NDUFAF2: variants seen among roughly 807,000 people sequenced by gnomAD.
NDUFAF2 encodes the protein NADH dehydrogenase [ubiquinone] 1 alpha subcomplex assembly factor 2.
A neutral mutation model predicts 22.8 loss-of-function variants in NDUFAF2; 13 were observed. That is an observed-to-expected ratio of 0.57 (90% CI 0.37 to 0.91). The LOEUF is 0.91. NDUFAF2 is among the 40% of genes least tolerant of loss of function. The pLI is 0.01. For synonymous variants in NDUFAF2, 53 were observed against 64.2 expected (o/e 0.83, Z 0.84); for missense variants, 162 against 195.2 (o/e 0.83, Z 1.01).
chr5:61,076,754 G>C lies in NDUFAF2; in HGVS notation c.217+3540G>C, dbSNP rs1325044653. On this transcript the variant is annotated intron_variant, in intron 2 of 3. Coordinates refer to ENST00000296597, the MANE Select transcript of NDUFAF2 (RefSeq NM_174889.5). The stretch of plus-strand genomic sequence containing the variant: ...GGCTGCTGCATTGCAAATAGACTTA[G>C]GGGAACATAGGCAAAATATGGAGAC... Among the ~76,000 whole-genome samples, 9 of 152,254 alleles carry C rather than the reference G, an allele frequency of 5.9e-5. No individual in the cohort carries two copies. In the East Asian group the frequency reaches 1.5e-3, roughly 26 times the overall value.
rs566647970 is a variant in NDUFAF2, at chr5:60,976,343, A to G, written c.127+30961A>G. 1.1e-4 allele frequency among the ~76,000 whole-genome samples: 16 copies of G among 151,438 alleles called. No individual in the cohort carries two copies. The South Asian group carries it at 2.9e-3, about 28-fold the overall frequency. ...TTAGCTTCTCTTAATGCGTAAGCTT[A>G]AAGCTTTTTTAGGCTTTATGTATGC... On this transcript the variant is annotated intron_variant, in intron 1 of 3. Transcript: ENST00000296597.
intron 2 of NDUFAF2, among the ~76,000 whole-genome samples, chr5:61,079,937 T>G (rs907267201): frequency 2.6e-5 from 4 of 152,224 alleles, no homozygotes; most frequent in Non-Finnish European, 4.4e-5. Context: ...GAGGTCAGCC[T>G]TCGTTTATTT....
intron 1 of NDUFAF2, among the ~76,000 whole-genome samples, chr5:60,982,497 CA>C (rs1343439422): frequency 6.6e-6 from 1 of 151,304 alleles, no homozygotes; most frequent in Non-Finnish European, 1.5e-5. Flanking sequence ...GTGCTGCACC[CA>C]TTAACTCATC....
At chr5:61,004,742 C>A (rs1751342828) in intron 1 of NDUFAF2, among the ~76,000 whole-genome samples, 1 of 151,842 alleles carries the variant, frequency 6.6e-6, no homozygotes. Context: ...GGAGCTGTTT[C>A]AGATCCAAGA....
chr5:61,077,195 G>A (rs1752380815), intron 2 of NDUFAF2, among the ~76,000 whole-genome samples: 1 of 152,128 alleles, frequency 6.6e-6, no homozygotes, highest in Non-Finnish European at 1.5e-5. Flanking sequence ...GGTGTATAAA[G>A]CAATGAGACT....
Position 61,135,579 on chromosome 5 carries a change from G to C in NDUFAF2, c.259-17125G>C, listed in dbSNP as rs114372924. On this transcript the variant is annotated intron_variant, in intron 3 of 3. Transcript: ENST00000296597. ...AGAATCACCTAGTAACTTGTTAGAT[G>C]TGCACATCAGGGGCCCTATCCTCAG... is the stretch of plus-strand genomic sequence containing the variant. Among the ~76,000 whole-genome samples the C allele has an allele frequency of 7.1e-3, 1,076 of 152,240 alleles. 13 individuals are homozygous for C. Among genetic ancestry groups the C allele is most frequent in the African/African-American group, 0.025 (1,022 of 41,544 alleles).
intron 1 of NDUFAF2, among the ~76,000 whole-genome samples, chr5:60,955,021 T>G (rs1439446753): frequency 2.0e-5 from 3 of 152,204 alleles, no homozygotes; most frequent in South Asian, 2.1e-4. Flanking sequence ...ATTTGTCCTA[T>G]TCCATAGGTT....
chr5:60,988,572 A>G (rs1396593933), intron 1 of NDUFAF2, among the ~76,000 whole-genome samples: 1 of 152,240 alleles, frequency 6.6e-6, no homozygotes, highest in African/African-American at 2.4e-5. Flanking sequence ...GTACTGGTAC[A>G]AAAACAGGCA....
At chr5:60,988,490 A>G (rs185391098) in intron 1 of NDUFAF2, among the ~76,000 whole-genome samples, 243 of 152,328 alleles carry the variant, frequency 1.6e-3, no homozygotes, top group African/African-American at 5.3e-3. Flanking sequence ...AAGCTTAAAG[A>G]ACAAACCTGG....
intron 1 of NDUFAF2, among the ~76,000 whole-genome samples, chr5:61,047,878 C>G (rs1236990177): frequency 2.0e-5 from 3 of 152,030 alleles, no homozygotes; most frequent in Non-Finnish European, 4.4e-5. Context: ...TATATACTGT[C>G]ATTACAGTGA....
chr5:61,006,565 T>C (rs1751369278), intron 1 of NDUFAF2, among the ~76,000 whole-genome samples: 1 of 152,204 alleles, frequency 6.6e-6, no homozygotes, highest in South Asian at 2.1e-4. Flanking sequence ...TGATTCTTCC[T>C]ACCCATGAGC....
intron 2 of NDUFAF2, among the ~76,000 whole-genome samples, chr5:61,076,475 A>T (rs1160020592): frequency 6.6e-6 from 1 of 152,258 alleles, no homozygotes; most frequent in African/African-American, 2.4e-5. Context: ...GAAGAGCATT[A>T]CTGGAGAGCA....
chr5:61,043,298 G>C (rs1442353464), intron 1 of NDUFAF2, among the ~76,000 whole-genome samples: 13 of 152,166 alleles, frequency 8.5e-5, no homozygotes, highest in Non-Finnish European at 1.6e-4. Context: ...TTCGAGTGCA[G>C]TGAAAATACT....
chr5:61,152,988 G>T lies in NDUFAF2; in HGVS notation c.*33G>T, dbSNP rs746745498. 2.5e-6 allele frequency: 4 copies of T among 1,609,312 alleles called. No homozygotes were observed. The highest frequency in any genetic ancestry group is 2.5e-6 in the Non-Finnish European group (3 of 1,176,692). ...ATGGTCAAATCTTTTCATGTATATG[G>T]ATGTGACTATTTTAACAAATAAAAG... is the stretch of plus-strand genomic sequence containing the variant. On this transcript the variant is annotated 3_prime_UTR_variant, in exon 4 of 4. Transcript: ENST00000296597.
At chr5:61,108,264 A>C (rs1752793274) in intron 3 of NDUFAF2, among the ~76,000 whole-genome samples, 1 of 148,856 alleles carries the variant, frequency 6.7e-6, no homozygotes, top group Non-Finnish European at 1.5e-5. Flanking sequence ...TAGATCCCTG[A>C]GGAATCGCCA....
chr5:61,010,556 C>A (rs980954665), intron 1 of NDUFAF2, among the ~76,000 whole-genome samples: 1 of 152,064 alleles, frequency 6.6e-6, no homozygotes, highest in African/African-American at 2.4e-5. Flanking sequence ...TCCCTATTTT[C>A]TAGACTGGGT....
At chr5:61,099,870 C>T (rs571371331) in intron 3 of NDUFAF2, among the ~76,000 whole-genome samples, 6 of 152,158 alleles carry the variant, frequency 3.9e-5, no homozygotes, top group Non-Finnish European at 5.9e-5. Context: ...AAATGGGCTC[C>T]GGTACTCAAT....
intron 2 of NDUFAF2, among the ~76,000 whole-genome samples, chr5:61,082,008 T>C (rs1224469256): frequency 1.3e-5 from 2 of 152,252 alleles, no homozygotes; most frequent in Non-Finnish European, 2.9e-5. Flanking sequence ...TTAGCATGTC[T>C]TCTCTTATAA....
At chr5:61,025,055 G>C (rs368481758) in intron 1 of NDUFAF2, among the ~76,000 whole-genome samples, 28 of 151,956 alleles carry the variant, frequency 1.8e-4, no homozygotes, top group African/African-American at 6.5e-4. Context: ...TGATATAGCT[G>C]TCCCTCTCTT....
Sources: gnomAD v4.1 joint callset for allele counts (sites outside exome capture counted in the v4.1 genomes callset) on GRCh38, gnomAD v4.1.1 for gene constraint, MANE v1.5 for transcripts, NCBI Gene and HGNC (gene_info 2026-07-23, HGNC 2026-07-21) for gene names.